The following ZC3H6 variants were observed in gnomAD, a reference collection of about 807,000 sequenced individuals.
The protein encoded by ZC3H6 is zinc finger CCCH domain-containing protein 6.
ZC3H6 carries 40 observed loss-of-function variants against 107.7 expected under a neutral mutation model. The observed-to-expected ratio is 0.37, with a 90% CI of 0.29 to 0.48. The LOEUF is 0.48. Among genes scored for constraint, ZC3H6 ranks in the 20% least tolerant of loss-of-function variants. ZC3H6 has a pLI of 0.98. For missense variants in ZC3H6, 1,267 were observed against 1,410.4 expected (o/e 0.90, Z 1.63); for synonymous variants, 493 against 487.9 (o/e 1.01, Z -0.14).
At chr2:112,310,352 T>C (rs1399440319) in intron 4 of ZC3H6, among the ~76,000 whole-genome samples, 191 bp downstream of exon 4, 1 of 152,232 alleles carries the variant, frequency 6.6e-6, no homozygotes, top group African/African-American at 2.4e-5. Flanking sequence ...GATACATGAA[T>C]ATTTCAGTTG....
chr2:112,312,152 G>A, intron 5 of ZC3H6: 1 of 465,662 alleles, frequency 2.1e-6, no homozygotes, highest in Non-Finnish European at 3.6e-6. Flanking sequence ...AAATTGTTAT[G>A]TTTGAAAGAA....
chr2:112,303,439 T>C, intron 3 of ZC3H6, 88 bp downstream of exon 3: 9 of 957,360 alleles, frequency 9.4e-6, no homozygotes, highest in Non-Finnish European at 1.4e-5. Context: ...TCAGTGATAT[T>C]AAGTATATTG....
rs1676700223 is a variant in ZC3H6, at chr2:112,316,590, A to C, written c.864+4A>C. On this transcript the variant is annotated splice_donor_region_variant and intron_variant, in intron 6 of 11. Coordinates refer to ENST00000409871, the MANE Select transcript of ZC3H6 (RefSeq NM_198581.3). Reference sequence around the variant, plus strand: ...CCTGGAAGGGAGGTGTATTAAGGTAAATTTATAGAGGTATCATAAGTCATT... The same window carrying C: ...CCTGGAAGGGAGGTGTATTAAGGTACATTTATAGAGGTATCATAAGTCATT... 6.5e-7 allele frequency: 1 copy of C among 1,536,308 alleles called. No homozygotes were observed. Among genetic ancestry groups the C allele is most frequent in the African/African-American group, 1.4e-5 (1 of 72,654 alleles).
intron 1 of ZC3H6, among the ~76,000 whole-genome samples, chr2:112,288,806 T>G (rs1303432278): frequency 6.6e-6 from 1 of 152,172 alleles, no homozygotes; most frequent in Non-Finnish European, 1.5e-5. Flanking sequence ...AAATAAGAGA[T>G]TTCATTTGGT....
At position 112,332,310 on chromosome 2, in the gene ZC3H6, G is replaced by A; in HGVS notation, c.3392G>A (p.Ser1131Asn). The change falls in exon 12 of 12, where the codon AGC becomes AAC. Residue 1131 changes from serine (S) to asparagine (N), a missense_variant. Ser to Asn is a conservative substitution (Grantham distance 46, BLOSUM62 1). Transcript: ENST00000409871. ...SGKVQVPAVH[S>N]LPVQALTGLI... The stretch of plus-strand genomic sequence containing the variant: ...AAGGTTCAGGTCCCAGCAGTGCACA[G>A]CCTTCCTGTTCAGGCATTAACAGGC... 1.2e-6 allele frequency: 2 copies of A among 1,613,960 alleles called. No individual in the cohort carries two copies. The highest frequency in any genetic ancestry group is 2.2e-5 in the South Asian group (2 of 91,084).
rs770575197 is a variant in ZC3H6, at chr2:112,310,025, C to T, written c.477C>T (p.Tyr159=). ...ACAGTGATGACAACTTTGGTAACTACGGTCAGGAAACAGAGGAAGATTTTG... is the reference window on the plus strand; with the variant it reads ...ACAGTGATGACAACTTTGGTAACTATGGTCAGGAAACAGAGGAAGATTTTG... ...GNYSDDNFGN[Y]GQETEEDFAN... Residue 159 remains tyrosine (Y), a synonymous_variant, in exon 4 of 12, where the codon TAC becomes TAT. Coordinates refer to ENST00000409871, the MANE Select transcript of ZC3H6 (RefSeq NM_198581.3). 17 of 1,613,504 alleles carry T rather than the reference C, an allele frequency of 1.1e-5. No individual in the cohort carries two copies. Among genetic ancestry groups the T allele is most frequent in the East Asian group, 2.2e-5 (1 of 44,842 alleles).
At chr2:112,295,800 C>G (rs1158736053) in intron 1 of ZC3H6, among the ~76,000 whole-genome samples, 3 of 152,032 alleles carry the variant, frequency 2.0e-5, no homozygotes, top group African/African-American at 7.2e-5. Context: ...TATCTCGTAA[C>G]AAATATAAAT....
chr2:112,329,468 T>C (rs1676979339), intron 11 of ZC3H6, among the ~76,000 whole-genome samples: 1 of 152,240 alleles, frequency 6.6e-6, no homozygotes. Context: ...ATTTCCTTGA[T>C]GTCAAAGAGA....
intron 1 of ZC3H6, among the ~76,000 whole-genome samples, chr2:112,289,888 G>A (rs533494769): frequency 1.7e-4 from 26 of 152,106 alleles, no homozygotes; most frequent in Non-Finnish European, 1.5e-5. Flanking sequence ...CCACAGCCAC[G>A]CACCTAACAC....
intron 11 of ZC3H6, among the ~76,000 whole-genome samples, chr2:112,326,339 C>T (rs965937419): frequency 3.3e-5 from 5 of 152,062 alleles, no homozygotes; most frequent in Admixed American, 6.5e-5. Flanking sequence ...ACCCATTAAC[C>T]GTCCCCACTT....
chr2:112,324,923 T>A (rs149114673), intron 10 of ZC3H6, 41 bp from the exon 11 acceptor site: 16,077 of 1,533,962 alleles, frequency 0.01, 96 homozygotes, highest in Non-Finnish European at 0.012. Context: ...TGAAGTTTTG[T>A]GCTCACTCAA....
At position 112,316,521 on chromosome 2, in the gene ZC3H6, C is replaced by A; in HGVS notation, c.799C>A (p.Gln267Lys). Residue 267 changes from glutamine (Q) to lysine (K), a missense_variant, in exon 6 of 12, where the codon CAG becomes AAG. Gln to Lys is a moderately conservative substitution (Grantham distance 53). This residue lies in a region of ZC3H6 where 337 missense variants were observed against 361.2 expected (regional missense o/e 0.93). Transcript: ENST00000409871. ...WKVMTQEFINQHTVEHKGKQI... is the reference protein window; with the variant it reads ...WKVMTQEFINKHTVEHKGKQI... Reference sequence around the variant, plus strand: ...GGTTATGACTCAGGAATTTATTAATCAGCACACAGTGGAACACAAAGGAAA... The same window carrying A: ...GGTTATGACTCAGGAATTTATTAATAAGCACACAGTGGAACACAAAGGAAA... The A allele has an allele frequency of 1.2e-6, 2 of 1,609,686 alleles. No individual in the cohort carries two copies. The highest frequency in any genetic ancestry group is 1.1e-5 in the South Asian group (1 of 90,242).
At position 112,324,214 on chromosome 2, in the gene ZC3H6, A is replaced by G. The variant is rs1423645155; in HGVS notation, c.1403A>G (p.His468Arg). Reference protein sequence around the residue: ...PGPQFQGSSPHPQHIYSSGSS... With the variant: ...PGPQFQGSSPRPQHIYSSGSS... ...CCACAATTTCAGGGAAGCAGTCCAC[A>G]CCCTCAACATATCTATAGTTCTGGG... Residue 468 changes from histidine to arginine, a missense_variant, in exon 10 of 12, where the codon CAC becomes CGC. Coordinates refer to ENST00000409871, the MANE Select transcript of ZC3H6 (RefSeq NM_198581.3). The G allele has an allele frequency of 6.2e-7, 1 of 1,605,796 alleles. No individual in the cohort carries two copies. The highest frequency in any genetic ancestry group is 1.1e-5 in the South Asian group (1 of 90,940).
intron 4 of ZC3H6, 82 bp downstream of exon 4, chr2:112,310,243 A>G (rs2104712652): frequency 1.5e-6 from 2 of 1,355,674 alleles, no homozygotes; most frequent in Admixed American, 5.4e-5. Flanking sequence ...TTAGAAACTT[A>G]TCCCTGTTCA....
chr2:112,307,159 A>G (rs1676491834), intron 3 of ZC3H6, among the ~76,000 whole-genome samples: 1 of 152,230 alleles, frequency 6.6e-6, no homozygotes, highest in Non-Finnish European at 1.5e-5. Flanking sequence ...ACTCACTGAG[A>G]ATTAAGATTA....
chr2:112,327,619 C>G (rs1676936190), intron 11 of ZC3H6, among the ~76,000 whole-genome samples: 1 of 152,142 alleles, frequency 6.6e-6, no homozygotes, highest in Admixed American at 6.5e-5. Context: ...CCAATGTTTT[C>G]TGGTAGCAGT....
intron 1 of ZC3H6, among the ~76,000 whole-genome samples, chr2:112,283,934 TTAA>T (rs1333409048): frequency 1.3e-5 from 2 of 152,248 alleles, no homozygotes; most frequent in Non-Finnish European, 2.9e-5. Context: ...TATAAGGATG[TTAA>T]TAATCTTTAT....
Position 112,331,850 on chromosome 2 carries a change from A to T in ZC3H6, c.2932A>T (p.Asn978Tyr), listed in dbSNP as rs1349038645. The T allele has an allele frequency of 1.9e-6, 3 of 1,613,926 alleles. No homozygotes were observed. The highest frequency in any genetic ancestry group is 2.5e-6 in the Non-Finnish European group (3 of 1,179,888). Reference protein sequence around the residue: ...NFDPRLHRLPNTESHQVVMKD... With the variant: ...NFDPRLHRLPYTESHQVVMKD... ...TGATCCTAGGCTTCACAGACTGCCC[A>T]ATACAGAGTCTCATCAAGTGGTTAT... Residue 978 changes from asparagine to tyrosine, a missense_variant, in exon 12 of 12, where the codon AAT becomes TAT. By Grantham distance (143) the Asn-to-Tyr change is moderately radical (BLOSUM62 -2). Around this residue, in one of 3 missense-constraint regions of ZC3H6, gnomAD observed 925 missense variants for 1,025.7 expected, o/e 0.90. Coordinates refer to ENST00000409871, the MANE Select transcript of ZC3H6 (RefSeq NM_198581.3).
At chr2:112,303,415 T>G (rs1351906108) in intron 3 of ZC3H6, 64 bp downstream of exon 3, 1 of 1,254,032 alleles carries the variant, frequency 8.0e-7, no homozygotes, top group East Asian at 2.5e-5. Flanking sequence ...TTTTAACCCT[T>G]TTAACTGTAC....
Sources: allele counts gnomAD v4.1 joint callset (sites outside exome capture counted in the v4.1 genomes callset), GRCh38; gene constraint gnomAD v4.1.1; regional missense constraint gnomAD v4.1.1; transcripts MANE v1.5; gene names NCBI Gene and HGNC (gene_info 2026-07-23, HGNC 2026-07-21).